Variants in ABCA13 observed in about 807,000 individuals in gnomAD.
ABCA13 encodes ATP binding cassette subfamily A member 13.
In ABCA13, 476 loss-of-function variants were observed where a neutral mutation model predicts 478.7. The ratio of observed to expected loss-of-function variants is 0.99; its 90% CI spans 0.92 to 1.07. The LOEUF (loss-of-function observed/expected upper bound fraction) is 1.07. Among genes scored for constraint, ABCA13 ranks in the 50% least tolerant of loss-of-function variants. The probability of loss-of-function intolerance (pLI) is 0.00; values close to 1 mark genes in which losing one functional copy is unlikely to be tolerated. For synonymous variants in ABCA13, 2,252 were observed against 2,158.9 expected, an observed-to-expected ratio of 1.04 and a Z score of -1.20; for missense variants, 6,060 against 5,910.6, an observed-to-expected ratio of 1.03 and a Z score of -0.83.
chr7:48,619,604 C>T (rs1792933214), intron 59 of ABCA13, among the ~76,000 whole-genome samples: 2 of 152,178 alleles, frequency 1.3e-5, no homozygotes, highest in African/African-American at 4.8e-5. Flanking sequence ...GAGTCCGGCA[C>T]ATGCCCGGTG....
At position 48,274,450 on chromosome 7, in the gene ABCA13, A is replaced by G. The variant is rs572193596; in HGVS notation, c.4784A>G (p.Asn1595Ser). The G allele has an allele frequency of 2.5e-6, 4 of 1,613,838 alleles. No individual in the cohort carries two copies. Among genetic ancestry groups the G allele is most frequent in the Non-Finnish European group, 3.4e-6 (4 of 1,179,810 alleles). The change falls in exon 17 of 62, where the codon AAT becomes AGT. Residue 1595 changes from asparagine (N) to serine (S), a missense_variant. Physicochemically the swap from Asn to Ser is conservative, Grantham distance 46. Transcript: ENST00000435803. Reference sequence around the variant, plus strand: ...GAAAAGGATGTAAACAGTGTAGGCAATTCCATTTATCACTTAGCTAGTTAC... The same window carrying G: ...GAAAAGGATGTAAACAGTGTAGGCAGTTCCATTTATCACTTAGCTAGTTAC... Reference protein sequence around the residue: ...PKEKDVNSVGNSIYHLASYLA... With the variant: ...PKEKDVNSVGSSIYHLASYLA...
intron 55 of ABCA13, among the ~76,000 whole-genome samples, chr7:48,570,611 C>T (rs1787543324): frequency 6.6e-6 from 1 of 152,008 alleles, no homozygotes; most frequent in Admixed American, 6.6e-5. Flanking sequence ...GTGTGAGCCA[C>T]CGCACCCAGC....
At chr7:48,376,659 T>G (rs1347322915) in intron 35 of ABCA13, 87 bp downstream of exon 35, 2 of 1,403,164 alleles carry the variant, frequency 1.4e-6, no homozygotes, top group East Asian at 4.9e-5. Context: ...TAATCACTTA[T>G]TCTTTAAGGA....
intron 43 of ABCA13, 86 bp downstream of exon 43, chr7:48,455,372 G>A: frequency 1.4e-6 from 2 of 1,437,098 alleles, no homozygotes; most frequent in Admixed American, 2.5e-5. Context: ...GAGAATTCTA[G>A]ATAAAAACTG....
rs140237159 is a variant in ABCA13, at chr7:48,333,402, A to G, written c.10000-2020A>G. ...CATTTTTTAAATGATGGGTGCTTTA[A>G]AACACTAGCCAGGTTATTCCAATAT... On this transcript the variant is annotated intron_variant, in intron 27 of 61. Transcript: ENST00000435803. Among the ~76,000 whole-genome samples the G allele has an allele frequency of 3.8e-3, 586 of 152,286 alleles. 2 individuals carry two copies. The highest frequency in any genetic ancestry group is 0.012 in the African/African-American group (502 of 41,562).
chr7:48,607,204 G>T (rs1791560917), intron 58 of ABCA13, among the ~76,000 whole-genome samples: 2 of 152,194 alleles, frequency 1.3e-5, no homozygotes, highest in African/African-American at 2.4e-5. Flanking sequence ...TGGCCTGCTG[G>T]TTGCAAAGAC....
At chr7:48,284,956 A>G (rs968836739) in intron 19 of ABCA13, among the ~76,000 whole-genome samples, 1 of 152,292 alleles carries the variant, frequency 6.6e-6, no homozygotes, top group Non-Finnish European at 1.5e-5. Context: ...CTGAAAATGC[A>G]CTATATTTTC....
At chr7:48,508,218 C>G (rs1200508832) in intron 50 of ABCA13, among the ~76,000 whole-genome samples, 169 bp downstream of exon 50, 3 of 152,060 alleles carry the variant, frequency 2.0e-5, no homozygotes, top group Non-Finnish European at 4.4e-5. Context: ...TACTGATCAC[C>G]ATAGAATTGG....
intron 19 of ABCA13, among the ~76,000 whole-genome samples, chr7:48,285,579 C>T (rs775673789): frequency 1.3e-5 from 2 of 152,222 alleles, no homozygotes; most frequent in African/African-American, 2.4e-5. Flanking sequence ...CCTAACCTTG[C>T]AGGAATGCTG....
intron 56 of ABCA13, among the ~76,000 whole-genome samples, chr7:48,585,006 C>A (rs1789040106): frequency 6.6e-6 from 1 of 152,058 alleles, no homozygotes; most frequent in Admixed American, 6.6e-5. Context: ...GGTTTCCTTC[C>A]TTCATCTCTC....
chr7:48,626,170 C>T (rs1412071603), intron 59 of ABCA13, among the ~76,000 whole-genome samples: 2 of 152,028 alleles, frequency 1.3e-5, no homozygotes, highest in African/African-American at 2.4e-5. Context: ...AAGAACTGGG[C>T]TAGACACTCA....
chr7:48,578,675 T>G (rs775441330), intron 55 of ABCA13, among the ~76,000 whole-genome samples: 1 of 152,198 alleles, frequency 6.6e-6, no homozygotes, highest in Non-Finnish European at 1.5e-5. Flanking sequence ...AATCCCAGTG[T>G]TACTTTGTGG....
intron 15 of ABCA13, 106 bp from the exon 16 acceptor site, chr7:48,268,871 TTTA>T: frequency 2.7e-6 from 1 of 367,444 alleles, no homozygotes; most frequent in Non-Finnish European, 4.9e-6. Context: ...TTTTTTTTTT[TTTA>T]ACATTTTCAA....
intron 31 of ABCA13, among the ~76,000 whole-genome samples, chr7:48,367,474 A>G (rs972532633): frequency 6.6e-6 from 1 of 152,184 alleles, no homozygotes; most frequent in East Asian, 1.9e-4. Flanking sequence ...TAAATGGGGG[A>G]AATGGCAGGC....
Position 48,244,677 on chromosome 7 carries a change from T to C in ABCA13, c.1364T>C (p.Ile455Thr), listed in dbSNP as rs774173961. 3 of 1,605,202 alleles carry C rather than the reference T, an allele frequency of 1.9e-6. No individual in the cohort carries two copies. The highest frequency in any genetic ancestry group is 2.6e-6 in the Non-Finnish European group (3 of 1,174,546). Residue 455 changes from isoleucine (I) to threonine (T), a missense_variant, in exon 11 of 62, where the codon ATA becomes ACA. Around this residue, in one of 3 missense-constraint regions of ABCA13, gnomAD observed 4,423 missense variants for 4,309.1 expected, o/e 1.03. Transcript: ENST00000435803. ...LQLDGALRNA[I>T]AQNLHFVQEV... ...CTTGATGGAGCTCTCAGAAATGCGA[T>C]AGCTCAGAATTTACATTTTGTCCAA...
intron 58 of ABCA13, among the ~76,000 whole-genome samples, chr7:48,614,827 T>C (rs1015041949): frequency 1.4e-4 from 19 of 136,480 alleles, no homozygotes; most frequent in African/African-American, 5.2e-4. Context: ...TAGGTGGGAA[T>C]TGAACAATGA....
intron 47 of ABCA13, 86 bp downstream of exon 47, chr7:48,483,249 A>G (rs1918585): frequency 0.52 from 628,483 of 1,206,846 alleles, 165,684 homozygotes; most frequent in East Asian, 0.75. Flanking sequence ...CACAGGGTTC[A>G]GAAGGACCAG....
intron 35 of ABCA13, among the ~76,000 whole-genome samples, chr7:48,381,024 C>A (rs191780070): frequency 5.1e-4 from 78 of 152,274 alleles, no homozygotes; most frequent in African/African-American, 1.8e-3. Flanking sequence ...TGCCCTTCCT[C>A]ACATGTTCCT....
chr7:48,340,725 T>C (rs944276096), intron 29 of ABCA13, among the ~76,000 whole-genome samples: 2 of 152,226 alleles, frequency 1.3e-5, no homozygotes, highest in African/African-American at 4.8e-5. Context: ...CTGAGCCACG[T>C]TTGTTCAACA....
Sources: gnomAD v4.1 joint callset for allele counts (sites outside exome capture counted in the v4.1 genomes callset) on GRCh38, gnomAD v4.1.1 for gene constraint, gnomAD v4.1.1 regional missense constraint, MANE v1.5 for transcripts, NCBI Gene and HGNC (gene_info 2026-07-23, HGNC 2026-07-21) for gene names.